The following NLGN1 variants were observed in gnomAD, a reference collection of about 807,000 sequenced individuals.
The protein encoded by NLGN1 is neuroligin-1.
Under a neutral mutation model 65.5 loss-of-function variants are expected in NLGN1, and 12 were observed. The ratio of observed to expected loss-of-function variants is 0.18; its 90% CI spans 0.12 to 0.30. The LOEUF is 0.30. NLGN1 is among the 10% of genes least tolerant of loss of function. The pLI is 1.00. For synonymous variants in NLGN1, 350 were observed against 359.5 expected, an observed-to-expected ratio of 0.97 and a Z score of 0.30; for missense variants, 750 against 1,007.1, an observed-to-expected ratio of 0.74 and a Z score of 3.46.
intron 4 of NLGN1, among the ~76,000 whole-genome samples, chr3:173,852,533 C>T (rs949613682): frequency 6.6e-6 from 1 of 152,014 alleles, no homozygotes; most frequent in Admixed American, 6.6e-5. Flanking sequence ...TTGAACTAAT[C>T]TTGTATTTCA....
chr3:173,449,200 A>C (rs865961074), intron 2 of NLGN1, among the ~76,000 whole-genome samples: 154 of 152,050 alleles, frequency 1.0e-3, no homozygotes, highest in Non-Finnish European at 1.8e-3. Flanking sequence ...GTGGGCATTT[A>C]GTGCTATAAA....
chr3:173,908,998 TC>T (rs1189375471), intron 4 of NLGN1, among the ~76,000 whole-genome samples: 1 of 152,160 alleles, frequency 6.6e-6, no homozygotes, highest in Non-Finnish European at 1.5e-5. Flanking sequence ...CATTAGTCTT[TC>T]CCTATCACAA....
chr3:174,219,333 T>G (rs1738214365), intron 4 of NLGN1, among the ~76,000 whole-genome samples: 1 of 152,100 alleles, frequency 6.6e-6, no homozygotes, highest in South Asian at 2.1e-4. Flanking sequence ...TACATAACTT[T>G]CCAGTCCTCA....
chr3:174,047,623 G>C (rs1042096829), intron 4 of NLGN1, among the ~76,000 whole-genome samples: 10 of 151,796 alleles, frequency 6.6e-5, no homozygotes, highest in African/African-American at 2.4e-4. Context: ...ATATAAGCAG[G>C]CACACACACA....
At chr3:174,133,872 C>T (rs1553942041) in intron 4 of NLGN1, among the ~76,000 whole-genome samples, 1 of 141,778 alleles carries the variant, frequency 7.1e-6, no homozygotes, top group Non-Finnish European at 1.5e-5. Flanking sequence ...TTCTTTATCT[C>T]TCCCCCACCA....
intron 4 of NLGN1, among the ~76,000 whole-genome samples, chr3:174,248,938 T>C (rs1744287871): frequency 6.6e-6 from 1 of 152,220 alleles, no homozygotes. Flanking sequence ...CCACTCCTGC[T>C]TCTCTGCTTC....
At chr3:173,558,244 G>A (rs1742030877) in intron 2 of NLGN1, among the ~76,000 whole-genome samples, 1 of 151,768 alleles carries the variant, frequency 6.6e-6, no homozygotes, top group African/African-American at 2.4e-5. Flanking sequence ...TTTTTAAGAT[G>A]TTCTATATAC....
intron 4 of NLGN1, among the ~76,000 whole-genome samples, chr3:174,131,571 T>C (rs1239603793): frequency 6.6e-6 from 1 of 152,184 alleles, no homozygotes; most frequent in African/African-American, 2.4e-5. Context: ...AAGTCACCCA[T>C]TATGTTATAT....
At chr3:173,469,784 C>G (rs910427957) in intron 2 of NLGN1, among the ~76,000 whole-genome samples, 8 of 152,036 alleles carry the variant, frequency 5.3e-5, no homozygotes, top group African/African-American at 1.9e-4. Flanking sequence ...TGGTAGCCGC[C>G]AATCTACATT....
At chr3:174,233,282 C>T (rs1283598887) in intron 4 of NLGN1, among the ~76,000 whole-genome samples, 12 of 151,828 alleles carry the variant, frequency 7.9e-5, no homozygotes, top group Non-Finnish European at 1.5e-4. Flanking sequence ...GTTGGGAGTT[C>T]GAGACCAGCC....
At chr3:173,829,659 C>T (rs1245897630) in intron 4 of NLGN1, among the ~76,000 whole-genome samples, 2 of 152,020 alleles carry the variant, frequency 1.3e-5, no homozygotes, top group African/African-American at 2.4e-5. Context: ...ATTATAGTCA[C>T]TATACTATAC....
At chr3:173,491,417 A>T (rs1045062452) in intron 2 of NLGN1, among the ~76,000 whole-genome samples, 30 of 151,746 alleles carry the variant, frequency 2.0e-4, no homozygotes, top group Non-Finnish European at 7.4e-5. Context: ...TCATATGTTG[A>T]ACCAGCCTTG....
chr3:173,874,690 A>G (rs1731799604), intron 4 of NLGN1, among the ~76,000 whole-genome samples: 1 of 152,206 alleles, frequency 6.6e-6, no homozygotes. Flanking sequence ...CACAGACTAA[A>G]GTTAAGAATC....
Position 173,473,855 on chromosome 3 carries a change from G to A in NLGN1, c.-321+38777G>A, listed in dbSNP as rs1725734652. ...CTACAGCTGCTAGATGCTAGCGGGCGAATAACACAGCCTTCTTCTTTAATG... is the reference window on the plus strand; with the variant it reads ...CTACAGCTGCTAGATGCTAGCGGGCAAATAACACAGCCTTCTTCTTTAATG... On this transcript the variant is annotated intron_variant, in intron 2 of 6. Coordinates refer to ENST00000457714, the Ensembl canonical transcript of NLGN1. 2.0e-5 allele frequency among the ~76,000 whole-genome samples: 3 copies of A among 152,120 alleles called. 1 individual carries two copies. The highest frequency in any genetic ancestry group is 4.4e-5 in the Non-Finnish European group (3 of 68,016).
At chr3:173,823,992 T>C (rs935680088) in intron 4 of NLGN1, among the ~76,000 whole-genome samples, 1 of 152,064 alleles carries the variant, frequency 6.6e-6, no homozygotes, top group African/African-American at 2.4e-5. Context: ...ATATTCCTTT[T>C]ACATTTTGTT....
chr3:173,896,401 C>T (rs1579052963), intron 4 of NLGN1, among the ~76,000 whole-genome samples: 1 of 152,090 alleles, frequency 6.6e-6, no homozygotes, highest in Admixed American at 6.5e-5. Context: ...GAAGTAGAGT[C>T]TCTCCTTTCA....
At chr3:173,556,492 T>C (rs1293629975) in intron 2 of NLGN1, among the ~76,000 whole-genome samples, 4 of 152,182 alleles carry the variant, frequency 2.6e-5, no homozygotes, top group African/African-American at 9.6e-5. Context: ...TCTTAATTTC[T>C]AAATATATGG....
At chr3:174,070,561 A>G (rs1197042685) in intron 4 of NLGN1, among the ~76,000 whole-genome samples, 1 of 151,618 alleles carries the variant, frequency 6.6e-6, no homozygotes, top group African/African-American at 2.4e-5. Context: ...TGAACTCCTG[A>G]CCTTGTGATC....
chr3:173,575,490 T>G (rs1013163156), intron 2 of NLGN1, among the ~76,000 whole-genome samples: 6 of 152,312 alleles, frequency 3.9e-5, no homozygotes, highest in Non-Finnish European at 7.4e-5. Flanking sequence ...GCATTCTTAT[T>G]TCTTCACCAT....
Sources: allele counts gnomAD v4.1 joint callset (sites outside exome capture counted in the v4.1 genomes callset), GRCh38; gene constraint gnomAD v4.1.1; transcripts MANE v1.5; gene names NCBI Gene and HGNC (gene_info 2026-07-23, HGNC 2026-07-21).